Variants in CCDC152 observed in about 807,000 individuals in gnomAD.
The protein encoded by CCDC152 is coiled-coil domain-containing protein 152.
CCDC152 carries 37 observed loss-of-function variants against 38.1 expected under a neutral mutation model. The ratio of observed to expected loss-of-function variants is 0.97; its 90% CI spans 0.75 to 1.28. The LOEUF (loss-of-function observed/expected upper bound fraction) is 1.28, where lower values mean the gene tolerates loss of function less well. Ranked by LOEUF, CCDC152 falls within the 50% of genes most tolerant of loss-of-function variation. CCDC152 has a pLI of 0.00. For synonymous variants in CCDC152, 83 were observed against 87.1 expected (o/e 0.95, Z 0.26); for missense variants, 259 against 292.1 (o/e 0.89, Z 0.83).
intron 4 of CCDC152, among the ~76,000 whole-genome samples, chr5:42,772,579 A>G (rs1210982082): frequency 6.8e-6 from 1 of 147,892 alleles, no homozygotes; most frequent in East Asian, 2.1e-4. Context: ...TGAACCAGGG[A>G]GTTGGAGGTT....
intron 6 of CCDC152, among the ~76,000 whole-genome samples, chr5:42,795,880 CACATAT>C (rs1390063761): frequency 1.3e-5 from 2 of 151,536 alleles, no homozygotes; most frequent in African/African-American, 4.9e-5. Flanking sequence ...GAAAATGTGG[CACATAT>C]ACACCATGGA....
At chr5:42,768,350 G>A (rs1759653015) in intron 3 of CCDC152, among the ~76,000 whole-genome samples, 1 of 150,506 alleles carries the variant, frequency 6.6e-6, no homozygotes, top group Non-Finnish European at 1.5e-5. Context: ...GACCACAAGT[G>A]TCCTAAACAG....
chr5:42,772,281 G>A (rs945251640), intron 4 of CCDC152, among the ~76,000 whole-genome samples: 2 of 152,198 alleles, frequency 1.3e-5, no homozygotes, highest in African/African-American at 4.8e-5. Context: ...AATAGGCATG[G>A]AAGGATCTTG....
chr5:42,799,210 C>G (rs931835242), intron 7 of CCDC152, among the ~76,000 whole-genome samples, 165 bp from the exon 8 acceptor site: 1 of 151,774 alleles, frequency 6.6e-6, no homozygotes, highest in African/African-American at 2.4e-5. Context: ...GTTCTTTGCT[C>G]TTTCTGAAAA....
chr5:42,784,202 C>T (rs1759887843), intron 6 of CCDC152, among the ~76,000 whole-genome samples: 1 of 152,128 alleles, frequency 6.6e-6, no homozygotes, highest in African/African-American at 2.4e-5. Flanking sequence ...AATTTACATT[C>T]CCATTAACAG....
At chr5:42,767,480 A>G (rs1759640736) in intron 3 of CCDC152, among the ~76,000 whole-genome samples, 1 of 152,182 alleles carries the variant, frequency 6.6e-6, no homozygotes, top group Admixed American at 6.5e-5. Context: ...TATACAGTAT[A>G]AGAAATAGCT....
rs1187334124 is a variant in CCDC152, at chr5:42,801,403, A to T, written c.*1622A>T. The T allele has an allele frequency of 8.6e-7, 1 of 1,162,762 alleles. No homozygotes were observed. The highest frequency in any genetic ancestry group is 1.2e-6 in the Non-Finnish European group (1 of 824,412). The allele number at this position is 1,162,762 out of a possible 1,614,324, so 72.0% of individuals were successfully genotyped here. A position where few individuals can be genotyped will look rare whatever the true frequency, so the allele number is the denominator to read the frequency against. Reference sequence around the variant, plus strand: ...GAATAATGCGTGAAAAATGATTTGTAGAGCTAACATGTGAAATTCCAACTA... The same window carrying T: ...GAATAATGCGTGAAAAATGATTTGTTGAGCTAACATGTGAAATTCCAACTA... On this transcript the variant is annotated 3_prime_UTR_variant, in exon 9 of 9. Coordinates refer to ENST00000361970, the MANE Select transcript of CCDC152 (RefSeq NM_001134848.2).
At chr5:42,761,239 C>T (rs1759549074) in intron 2 of CCDC152, among the ~76,000 whole-genome samples, 1 of 152,140 alleles carries the variant, frequency 6.6e-6, no homozygotes, top group African/African-American at 2.4e-5. Flanking sequence ...AGAATATGGC[C>T]TCTGTCTGTC....
rs985937712 is a variant in CCDC152, at chr5:42,770,450, A to C, written c.262+785A>C. ...CAACTTTTCCCTTCCTTGTGACTAAAATACCACACCCAGCTGGGTTCTCTA... is the reference window on the plus strand; with the variant it reads ...CAACTTTTCCCTTCCTTGTGACTAACATACCACACCCAGCTGGGTTCTCTA... On this transcript the variant is annotated intron_variant, in intron 4 of 8. Transcript: ENST00000361970. 7.2e-5 allele frequency among the ~76,000 whole-genome samples: 11 copies of C among 152,188 alleles called. No individual in the cohort carries two copies. In the East Asian group the frequency reaches 2.1e-3, roughly 29 times the overall value.
At chr5:42,757,779 G>A (rs924798526) in intron 1 of CCDC152, among the ~76,000 whole-genome samples, 13 of 152,162 alleles carry the variant, frequency 8.5e-5, no homozygotes, top group Non-Finnish European at 2.9e-5. Flanking sequence ...GGGGGAAGGA[G>A]TTGAGAGAAA....
At chr5:42,763,246 C>T (rs974525130) in intron 3 of CCDC152, among the ~76,000 whole-genome samples, 5 of 152,136 alleles carry the variant, frequency 3.3e-5, no homozygotes, top group East Asian at 3.9e-4. Flanking sequence ...CTGAAAGAGC[C>T]GAAACTGGAA....
rs1434364948 is a variant in CCDC152 at position 42,801,062 on chromosome 5, A to C, written c.*1281A>C. 6.2e-7 allele frequency: 1 copy of C among 1,614,054 alleles called. No individual in the cohort carries two copies. Among genetic ancestry groups the C allele is most frequent in the Non-Finnish European group, 8.5e-7 (1 of 1,179,986 alleles). ...AGAGCTTCTTTTGTAAATCTTGTAA[A>C]TCTTCACTTGCTGGCATATCTCGGT... On this transcript the variant is annotated 3_prime_UTR_variant, in exon 9 of 9. Transcript: ENST00000361970.
chr5:42,796,937 TAATC>T lies in CCDC152; in HGVS notation c.542_545del (p.Ile181SerfsTer4), dbSNP rs775268640. 33 of 1,522,380 alleles carry T rather than the reference TAATC, an allele frequency of 2.2e-5. No homozygotes were observed. In the South Asian group the frequency reaches 4.1e-4, roughly 19 times the overall value. 94.3% of individuals were successfully genotyped at this position (1,522,380 alleles called of 1,614,324 possible). ...CAAGAAAAAGAAAAACAAAATGAAA[TAATC>T]AAGCTACAACTAGAAGTAAGTGTTT... is the stretch of plus-strand genomic sequence containing the variant. On this transcript the variant is annotated frameshift_variant, in exon 7 of 9. Coordinates refer to ENST00000361970, the MANE Select transcript of CCDC152 (RefSeq NM_001134848.2). LOFTEE classifies it high-confidence loss of function.
intron 3 of CCDC152, among the ~76,000 whole-genome samples, chr5:42,767,302 AG>A (rs1327399878): frequency 6.6e-6 from 1 of 152,184 alleles, no homozygotes; most frequent in African/African-American, 2.4e-5. Context: ...TGCCAGTTAA[AG>A]ATAGTAATAA....
intron 3 of CCDC152, among the ~76,000 whole-genome samples, chr5:42,764,015 G>A (rs1166030783): frequency 6.6e-6 from 1 of 152,168 alleles, no homozygotes; most frequent in African/African-American, 2.4e-5. Flanking sequence ...AAAGTACAGA[G>A]AGTTTCCGTA....
chr5:42,794,148 G>A (rs535804018), intron 6 of CCDC152, among the ~76,000 whole-genome samples: 79 of 152,254 alleles, frequency 5.2e-4, no homozygotes, highest in African/African-American at 1.8e-3. Context: ...TATAGGAACT[G>A]GTAGTAAAGT....
Position 42,800,460 on chromosome 5 carries a change from T to TAATG in CCDC152, c.*680_*681insATGA. On this transcript the variant is annotated 3_prime_UTR_variant, in exon 9 of 9. Coordinates refer to ENST00000361970, the MANE Select transcript of CCDC152 (RefSeq NM_001134848.2). ...ACGTTTCTATTCTCATTAAAGCAAA[T>TAATG]AGAACACTGGAAAAAGAAAAAAAAA... 8.1e-6 allele frequency: 3 copies of TAATG among 372,450 alleles called. No homozygotes were observed. Among genetic ancestry groups the TAATG allele is most frequent in the Non-Finnish European group, 1.4e-5 (3 of 209,632 alleles). The allele number at this position is 372,450 out of a possible 1,614,324, so 23.1% of individuals were successfully genotyped here.
At chr5:42,769,518 T>G in intron 3 of CCDC152, 79 bp from the exon 4 acceptor site, 1 of 1,340,982 alleles carries the variant, frequency 7.5e-7, no homozygotes, top group Non-Finnish European at 9.8e-7. Context: ...TATTATTTTA[T>G]TTTAATAATT....
At chr5:42,772,449 A>T (rs906410613) in intron 4 of CCDC152, among the ~76,000 whole-genome samples, 4 of 151,994 alleles carry the variant, frequency 2.6e-5, no homozygotes, top group Non-Finnish European at 4.4e-5. Flanking sequence ...CCTGTAATCC[A>T]TATCCTGGCC....
Sources: allele counts gnomAD v4.1 joint callset (sites outside exome capture counted in the v4.1 genomes callset), GRCh38; gene constraint gnomAD v4.1.1; transcripts MANE v1.5; gene names NCBI Gene and HGNC (gene_info 2026-07-23, HGNC 2026-07-21).